The following CD244 variants were observed in gnomAD, a reference collection of about 807,000 sequenced individuals.
The protein encoded by CD244 is CD244 molecule, also known as natural killer cell receptor 2B4.
CD244 carries 20 observed loss-of-function variants against 45.5 expected under a neutral mutation model. That is an observed-to-expected ratio of 0.44 (90% CI 0.31 to 0.64). CD244 has a LOEUF of 0.64. Among genes scored for constraint, CD244 ranks in the 30% least tolerant of loss-of-function variants. The pLI, the probability that CD244 is intolerant of heterozygous loss-of-function variation, is 0.08. For synonymous variants in CD244, 185 were observed against 160.5 expected, an observed-to-expected ratio of 1.15 and a Z score of -1.15; for missense variants, 407 against 426.9, an observed-to-expected ratio of 0.95 and a Z score of 0.41.
intron 1 of CD244, among the ~76,000 whole-genome samples, chr1:160,844,030 CCT>C (rs1669637576): frequency 6.6e-6 from 1 of 152,146 alleles, no homozygotes; most frequent in South Asian, 2.1e-4. Context: ...AATGAACAGC[CCT>C]CACAGGAACT....
chr1:160,841,214 A>C lies in CD244; in HGVS notation c.651T>G (p.His217Gln), dbSNP rs199597279. ...AGCCCAGTGTGTTCCACTTACCCTG[A>C]TGGGCATTCTGACAGTCCTGAGTGA... ...LNLTQDCQNAHQEFRFWPFLV... is the reference protein window; with the variant it reads ...LNLTQDCQNAQQEFRFWPFLV... The change falls in exon 3 of 9, where the codon CAT becomes CAG. Residue 217 changes from histidine to glutamine, a missense_variant. Transcript: ENST00000368034. 264 of 1,614,020 alleles carry C rather than the reference A, an allele frequency of 1.6e-4. 1 individual carries two copies. The highest frequency in any genetic ancestry group is 4.8e-4 in the South Asian group (44 of 91,084).
intron 5 of CD244, among the ~76,000 whole-genome samples, chr1:160,837,169 G>A (rs1348929662): frequency 6.6e-6 from 1 of 151,992 alleles, no homozygotes; most frequent in Non-Finnish European, 1.5e-5. Context: ...GCCAGAGAGG[G>A]CTGAGGCCAG....
At chr1:160,854,699 A>C (rs1432661351) in intron 1 of CD244, among the ~76,000 whole-genome samples, 3 of 152,078 alleles carry the variant, frequency 2.0e-5, no homozygotes, top group Non-Finnish European at 4.4e-5. Flanking sequence ...ACTTCTAAAT[A>C]CTTAAAGAAT....
chr1:160,832,315 G>A (rs560685292), intron 8 of CD244, among the ~76,000 whole-genome samples: 98 of 152,190 alleles, frequency 6.4e-4, no homozygotes, highest in Middle Eastern at 3.4e-3. Context: ...ATCTAAACAC[G>A]CAATATGATC....
At chr1:160,845,808 A>G (rs1020920300) in intron 1 of CD244, among the ~76,000 whole-genome samples, 3 of 151,824 alleles carry the variant, frequency 2.0e-5, no homozygotes, top group Non-Finnish European at 4.4e-5. Flanking sequence ...GTGAGCCGAG[A>G]TCACGCCACT....
intron 3 of CD244, among the ~76,000 whole-genome samples, chr1:160,839,664 T>C (rs1020353911): frequency 6.6e-6 from 1 of 152,344 alleles, no homozygotes; most frequent in East Asian, 1.9e-4. Context: ...ATAGGTTATA[T>C]GCAAAAACTG....
intron 1 of CD244, among the ~76,000 whole-genome samples, chr1:160,842,668 G>T (rs1669584222): frequency 6.6e-6 from 1 of 152,040 alleles, no homozygotes; most frequent in Non-Finnish European, 1.5e-5. Flanking sequence ...ATTGGATTTT[G>T]GTCATTACTT....
At chr1:160,839,070 G>A in intron 3 of CD244, 21 bp from the exon 4 acceptor site, 1 of 1,558,036 alleles carries the variant, frequency 6.4e-7, no homozygotes, top group Non-Finnish European at 8.8e-7. Flanking sequence ...CAGAAGGCGT[G>A]AGAACTGAGC....
At position 160,834,084 on chromosome 1, in the gene CD244, A is replaced by G; in HGVS notation, c.927T>C (p.Tyr309=). The change falls in exon 7 of 9, where the codon TAT becomes TAC. Residue 309 remains tyrosine, a synonymous_variant. Transcript: ENST00000368034. ...SSAPTSQEPA[Y]TLYSLIQPSR... is the part of the protein sequence containing the mutation. ...AAGGCTGAATTAATGAATATAATGT[A>G]TATGCAGGTTCTTGTGACGTGGGAG... The G allele has an allele frequency of 6.2e-7, 1 of 1,612,196 alleles. No homozygotes were observed. Among genetic ancestry groups the G allele is most frequent in the Non-Finnish European group, 8.5e-7 (1 of 1,178,216 alleles).
Position 160,841,888 on chromosome 1 carries a change from T to C in CD244, c.75A>G (p.Ser25=), listed in dbSNP as rs1367721320. The change falls in exon 2 of 9, where the codon TCA becomes TCG. Residue 25 remains serine (S), a synonymous_variant. Transcript: ENST00000368034. The part of the protein sequence containing the change: ...KVYQGKGCQG[S]ADHVVSISGV... ...CCGAGATGCTAACCACATGGTCAGC[T>C]GATCCCTGGCATCCTAGGAAAGAGA... The C allele has an allele frequency of 2.5e-6, 4 of 1,613,552 alleles. No individual in the cohort carries two copies. The African/African-American group carries it at 5.3e-5, about 22-fold the overall frequency.
At position 160,831,630 on chromosome 1, in the gene CD244, C is replaced by T. The variant is rs555214152; in HGVS notation, c.1018-203G>A. 2.0e-5 allele frequency among the ~76,000 whole-genome samples: 3 copies of T among 152,346 alleles called. 1 individual carries two copies. The highest frequency in any genetic ancestry group is 2.9e-5 in the Non-Finnish European group (2 of 68,038). ...CTTCTGGCTCCAATTCCAGTACTCT[C>T]TTAACCACATATGCTTTTTCATGAC... On this transcript the variant is annotated intron_variant, in intron 8 of 8. Coordinates refer to ENST00000368034, the MANE Select transcript of CD244 (RefSeq NM_016382.4).
chr1:160,848,657 C>A (rs1669817293), intron 1 of CD244, among the ~76,000 whole-genome samples: 1 of 152,162 alleles, frequency 6.6e-6, no homozygotes, highest in Non-Finnish European at 1.5e-5. Context: ...ATACCCTTTT[C>A]ATCCAGTCAC....
At chr1:160,858,083 T>A (rs557654576) in intron 1 of CD244, among the ~76,000 whole-genome samples, 117 of 132,290 alleles carry the variant, frequency 8.8e-4, no homozygotes, top group African/African-American at 3.6e-3. Flanking sequence ...AAATAAAAAA[T>A]TAAAAAAAAA....
At chr1:160,858,825 C>A (rs1402727960) in intron 1 of CD244, among the ~76,000 whole-genome samples, 2 of 152,098 alleles carry the variant, frequency 1.3e-5, no homozygotes, top group Non-Finnish European at 2.9e-5. Context: ...AAAATATATC[C>A]AGAGAAAGAA....
At chr1:160,843,193 T>C (rs1262133510) in intron 1 of CD244, among the ~76,000 whole-genome samples, 1 of 152,242 alleles carries the variant, frequency 6.6e-6, no homozygotes, top group Non-Finnish European at 1.5e-5. Flanking sequence ...AATATGTTTC[T>C]TTGATCTTGA....
At chr1:160,845,269 T>C (rs982777003) in intron 1 of CD244, among the ~76,000 whole-genome samples, 3 of 152,000 alleles carry the variant, frequency 2.0e-5, no homozygotes, top group Non-Finnish European at 2.9e-5. Flanking sequence ...AATTGAAAGG[T>C]TAAAAAGGCC....
chr1:160,860,331 T>G (rs1020045907), intron 1 of CD244, among the ~76,000 whole-genome samples: 1 of 152,162 alleles, frequency 6.6e-6, no homozygotes, highest in African/African-American at 2.4e-5. Context: ...GCTTGTCTTC[T>G]TCAAGAATGC....
chr1:160,831,451 C>G, intron 8 of CD244, 24 bp from the exon 9 acceptor site: 1 of 1,545,896 alleles, frequency 6.5e-7, no homozygotes, highest in South Asian at 1.1e-5. Flanking sequence ...GGAGAAACTT[C>G]AGACCCTTGC....
At chr1:160,839,402 AG>A (rs1357396672) in intron 3 of CD244, among the ~76,000 whole-genome samples, 1 of 152,276 alleles carries the variant, frequency 6.6e-6, no homozygotes, top group Non-Finnish European at 1.5e-5. Context: ...ATCTACCTAT[AG>A]GGGTTAATTA....
Sources: allele counts gnomAD v4.1 joint callset (sites outside exome capture counted in the v4.1 genomes callset), GRCh38; gene constraint gnomAD v4.1.1; transcripts MANE v1.5; gene names NCBI Gene and HGNC (gene_info 2026-07-23, HGNC 2026-07-21).